PLGRKT: variants seen among roughly 807,000 people sequenced by gnomAD.
PLGRKT encodes plasminogen receptor (KT).
A neutral mutation model predicts 18.5 loss-of-function variants in PLGRKT; 22 were observed. That is an observed-to-expected ratio of 1.19 (90% CI 0.85 to 1.70). The LOEUF is 1.70. Ranked by LOEUF, PLGRKT falls within the 40% of genes most tolerant of loss-of-function variation. The pLI is 0.00. For synonymous variants in PLGRKT, 72 were observed against 52.8 expected (o/e 1.36, Z -1.58); for missense variants, 235 against 174.4 (o/e 1.35, Z -1.96).
intron 3 of PLGRKT, chr9:5,382,160 C>T (rs1817759499): frequency 9.8e-6 from 3 of 306,394 alleles, no homozygotes; most frequent in South Asian, 2.6e-4. Flanking sequence ...CCCTCACTTG[C>T]CATCCATTCA....
intron 3 of PLGRKT, among the ~76,000 whole-genome samples, chr9:5,364,923 G>C (rs1586699488): frequency 6.6e-6 from 1 of 152,158 alleles, no homozygotes; most frequent in Non-Finnish European, 1.5e-5. Flanking sequence ...CTTAGTGCTT[G>C]ATACAGACAT....
intron 2 of PLGRKT, among the ~76,000 whole-genome samples, chr9:5,433,431 A>C (rs76221114): frequency 6.9e-6 from 1 of 144,996 alleles, no homozygotes. Context: ...CCCATCTGGG[A>C]AGTGAGGAGT....
intron 4 of PLGRKT, among the ~76,000 whole-genome samples, chr9:5,361,450 T>G (rs548498448): frequency 6.6e-6 from 1 of 152,304 alleles, no homozygotes; most frequent in East Asian, 1.9e-4. Context: ...TTAAAATGAG[T>G]AAGGATTGGT....
chr9:5,432,836 CGGCT>C (rs1818857493), intron 2 of PLGRKT, among the ~76,000 whole-genome samples: 1 of 152,184 alleles, frequency 6.6e-6, no homozygotes, highest in South Asian at 2.1e-4. Flanking sequence ...GGCGTGATCT[CGGCT>C]GGCTACAACC....
At chr9:5,409,184 T>C (rs746998019) in intron 3 of PLGRKT, among the ~76,000 whole-genome samples, 4 of 152,210 alleles carry the variant, frequency 2.6e-5, no homozygotes, top group Non-Finnish European at 4.4e-5. Flanking sequence ...GTCAACTTGA[T>C]TGGATTGAAG....
chr9:5,430,529 G>C (rs1818802426), intron 3 of PLGRKT, among the ~76,000 whole-genome samples: 1 of 152,160 alleles, frequency 6.6e-6, no homozygotes. Context: ...GAGGTGAGAA[G>C]CATTTTTCTA....
intron 3 of PLGRKT, among the ~76,000 whole-genome samples, chr9:5,382,392 T>G (rs907234770): frequency 1.3e-5 from 2 of 152,126 alleles, no homozygotes; most frequent in African/African-American, 2.4e-5. Flanking sequence ...ACGTTGAAGC[T>G]GAAGATCTAT....
intron 3 of PLGRKT, among the ~76,000 whole-genome samples, chr9:5,411,703 T>A (rs1818369617): frequency 6.6e-6 from 1 of 152,224 alleles, no homozygotes; most frequent in African/African-American, 2.4e-5. Flanking sequence ...GAAATCCAAC[T>A]ATAAGAATAT....
intron 2 of PLGRKT, among the ~76,000 whole-genome samples, chr9:5,434,061 G>GGCC (rs1818901203): frequency 6.8e-6 from 1 of 147,134 alleles, no homozygotes; most frequent in African/African-American, 2.5e-5. Context: ...GCCTCTGCCC[G>GGCC]GCCGCCCCAT....
intron 3 of PLGRKT, among the ~76,000 whole-genome samples, chr9:5,366,838 G>C (rs1344688219): frequency 6.6e-6 from 1 of 151,984 alleles, no homozygotes; most frequent in African/African-American, 2.4e-5. Flanking sequence ...TTCTATATTA[G>C]GAAAACCTAA....
At chr9:5,431,789 A>T in intron 3 of PLGRKT, 108 bp downstream of exon 3, 2 of 639,112 alleles carry the variant, frequency 3.1e-6, no homozygotes, top group Non-Finnish European at 5.7e-6. Flanking sequence ...GATGCAGCCC[A>T]AAGAACATTT....
intron 3 of PLGRKT, among the ~76,000 whole-genome samples, chr9:5,375,575 G>A (rs1439990263): frequency 6.6e-6 from 1 of 151,946 alleles, no homozygotes. Context: ...AGGAAGGCAG[G>A]GAAAATAAAG....
intron 3 of PLGRKT, among the ~76,000 whole-genome samples, chr9:5,374,649 A>G (rs1222924726): frequency 1.3e-5 from 2 of 152,142 alleles, no homozygotes; most frequent in East Asian, 1.9e-4. Flanking sequence ...GAGCTTCAGG[A>G]CTCATGGTGC....
intron 3 of PLGRKT, among the ~76,000 whole-genome samples, chr9:5,379,248 A>C (rs1341759001): frequency 6.6e-6 from 1 of 152,168 alleles, no homozygotes; most frequent in Non-Finnish European, 1.5e-5. Context: ...TCAAAATCTG[A>C]TCAGAAATTA....
intron 3 of PLGRKT, among the ~76,000 whole-genome samples, chr9:5,372,305 T>TA (rs1344185644): frequency 6.6e-6 from 1 of 152,122 alleles, no homozygotes; most frequent in Non-Finnish European, 1.5e-5. Flanking sequence ...CTAATAAAAA[T>TA]AATAATGTGG....
chr9:5,401,707 G>A lies in PLGRKT; in HGVS notation c.81+30190C>T, dbSNP rs58731319. On this transcript the variant is annotated intron_variant, in intron 3 of 5. Coordinates refer to ENST00000223864, the MANE Select transcript of PLGRKT (RefSeq NM_018465.4). Reference sequence around the variant, plus strand: ...ATATGAGGAAAACAGGTATTCAAAAGCCAATATCACCTTAATTTATGTTCC... The same window carrying A: ...ATATGAGGAAAACAGGTATTCAAAAACCAATATCACCTTAATTTATGTTCC... Among the ~76,000 whole-genome samples, 334 of 151,990 alleles carry A rather than the reference G, an allele frequency of 2.2e-3. 15 individuals carry two copies. Among genetic ancestry groups the A allele is most frequent in the African/African-American group, 7.6e-3 (312 of 41,296 alleles).
intron 3 of PLGRKT, among the ~76,000 whole-genome samples, chr9:5,431,463 G>C (rs1182528183): frequency 6.7e-6 from 1 of 149,696 alleles, no homozygotes; most frequent in African/African-American, 2.5e-5. Flanking sequence ...GAACCCAGGA[G>C]GCAGAGGTTG....
chr9:5,368,457 T>C (rs541904957), intron 3 of PLGRKT, among the ~76,000 whole-genome samples: 4 of 152,140 alleles, frequency 2.6e-5, no homozygotes, highest in Non-Finnish European at 4.4e-5. Context: ...TGGAGGCCAT[T>C]ATCCTAAGTG....
At chr9:5,399,838 A>C (rs1311829461) in intron 3 of PLGRKT, among the ~76,000 whole-genome samples, 2 of 151,652 alleles carry the variant, frequency 1.3e-5, no homozygotes, top group African/African-American at 4.9e-5. Context: ...AAAAATACCA[A>C]AAATTAGCCA....
Sources: gnomAD v4.1 joint callset for allele counts (sites outside exome capture counted in the v4.1 genomes callset) on GRCh38, gnomAD v4.1.1 for gene constraint, MANE v1.5 for transcripts, NCBI Gene and HGNC (gene_info 2026-07-23, HGNC 2026-07-21) for gene names.